Variants in PRKCB observed in about 807,000 individuals in gnomAD.
PRKCB encodes the protein protein kinase C beta.
Under a neutral mutation model 81.5 loss-of-function variants are expected in PRKCB, and 13 were observed. The ratio of observed to expected loss-of-function variants is 0.16; its 90% CI spans 0.10 to 0.25. The LOEUF is 0.25. Among genes scored for constraint, PRKCB ranks in the 10% least tolerant of loss-of-function variants. PRKCB has a pLI of 1.00. For synonymous variants in PRKCB, 335 were observed against 321.4 expected (o/e 1.04, Z -0.45); for missense variants, 509 against 875.7 (o/e 0.58, Z 5.29).
chr16:23,937,474 A>T (rs938641848), intron 2 of PRKCB, among the ~76,000 whole-genome samples: 2 of 152,204 alleles, frequency 1.3e-5, no homozygotes, highest in African/African-American at 4.8e-5. Flanking sequence ...TCAACCTCTG[A>T]TGCAGCATTT....
intron 7 of PRKCB, among the ~76,000 whole-genome samples, chr16:24,106,766 A>G (rs1966583817): frequency 1.3e-5 from 2 of 152,218 alleles, no homozygotes; most frequent in Admixed American, 6.5e-5. Context: ...CACATATTGT[A>G]TTAGAAATTA....
At chr16:24,075,952 GTTA>G (rs1323115266) in intron 5 of PRKCB, among the ~76,000 whole-genome samples, 1 of 151,872 alleles carries the variant, frequency 6.6e-6, no homozygotes, top group African/African-American at 2.4e-5. Flanking sequence ...TTTTTTGTTT[GTTA>G]TTATACTTTA....
chr16:24,080,548 A>T (rs2141892163), intron 5 of PRKCB, among the ~76,000 whole-genome samples: 1 of 152,236 alleles, frequency 6.6e-6, no homozygotes, highest in East Asian at 1.9e-4. Context: ...GCGTTGTTGG[A>T]CATGTTGAGT....
intron 3 of PRKCB, among the ~76,000 whole-genome samples, chr16:24,000,031 G>A (rs1053892476): frequency 2.6e-5 from 4 of 152,174 alleles, no homozygotes; most frequent in Admixed American, 1.3e-4. Flanking sequence ...GCTCCAAGAA[G>A]AGCAAGAGAG....
chr16:24,092,166 A>T (rs1966384173), intron 5 of PRKCB, among the ~76,000 whole-genome samples: 2 of 151,754 alleles, frequency 1.3e-5, no homozygotes, highest in Admixed American at 1.3e-4. Flanking sequence ...TTAAGCAGTC[A>T]CTCCCCATTT....
chr16:24,207,730 T>G (rs1373894112), intron 16 of PRKCB, among the ~76,000 whole-genome samples: 1 of 152,188 alleles, frequency 6.6e-6, no homozygotes, highest in Non-Finnish European at 1.5e-5. Flanking sequence ...ATGGGGTAAA[T>G]CCAGGAGTAT....
At chr16:24,165,911 C>G (rs921970597) in intron 10 of PRKCB, among the ~76,000 whole-genome samples, 8 of 111,720 alleles carry the variant, frequency 7.2e-5, no homozygotes, top group Non-Finnish European at 1.0e-4. Flanking sequence ...TTTTTTGACA[C>G]AGGGTCTCAC....
At chr16:23,849,415 A>T (rs1249155702) in intron 2 of PRKCB, among the ~76,000 whole-genome samples, 2 of 152,162 alleles carry the variant, frequency 1.3e-5, no homozygotes, top group Non-Finnish European at 2.9e-5. Context: ...TATATTGAAG[A>T]TCTTCTTTCC....
intron 10 of PRKCB, among the ~76,000 whole-genome samples, chr16:24,157,753 A>T (rs569080506): frequency 6.7e-6 from 1 of 150,352 alleles, no homozygotes; most frequent in African/African-American, 2.5e-5. Flanking sequence ...TGGTTTTATG[A>T]GGGACTTTTA....
At chr16:23,967,943 C>T (rs1330031300) in intron 2 of PRKCB, among the ~76,000 whole-genome samples, 1 of 152,244 alleles carries the variant, frequency 6.6e-6, no homozygotes, top group Non-Finnish European at 1.5e-5. Context: ...GCGTGAGCCA[C>T]TGCGCCGGGC....
chr16:24,045,623 C>T (rs1965754043), intron 5 of PRKCB, among the ~76,000 whole-genome samples: 1 of 151,466 alleles, frequency 6.6e-6, no homozygotes, highest in African/African-American at 2.4e-5. Context: ...ATTTTTTTTT[C>T]CAGAAATCAC....
intron 5 of PRKCB, among the ~76,000 whole-genome samples, chr16:24,089,587 A>G (rs1188900028): frequency 1.3e-5 from 2 of 152,166 alleles, no homozygotes; most frequent in Non-Finnish European, 2.9e-5. Context: ...TGGGCAACAT[A>G]GAGAGACCCC....
chr16:24,035,331 A>G, intron 4 of PRKCB, 88 bp from the exon 5 acceptor site: 1 of 1,503,734 alleles, frequency 6.7e-7, no homozygotes, highest in East Asian at 2.4e-5. Flanking sequence ...GGGAAACAGG[A>G]AGGGCTCAGC....
At chr16:24,150,744 A>G (rs1055967065) in intron 9 of PRKCB, among the ~76,000 whole-genome samples, 1 of 152,134 alleles carries the variant, frequency 6.6e-6, no homozygotes, top group African/African-American at 2.4e-5. Flanking sequence ...CTACGGCCAC[A>G]CTCATTCTCT....
intron 5 of PRKCB, among the ~76,000 whole-genome samples, chr16:24,071,479 G>C (rs1039995694): frequency 3.1e-4 from 46 of 149,596 alleles, no homozygotes; most frequent in Non-Finnish European, 5.9e-5. Context: ...CAGGACTGGG[G>C]AAAAGGAATA....
intron 2 of PRKCB, among the ~76,000 whole-genome samples, chr16:23,929,137 G>A (rs1055441693): frequency 6.6e-6 from 1 of 152,080 alleles, no homozygotes; most frequent in African/African-American, 2.4e-5. Flanking sequence ...GCTCAGAGGA[G>A]AGAAAGTGTA....
chr16:23,865,549 GTGTGTGTGTGTGTGTGTGTGTA>G (rs1244092859), intron 2 of PRKCB, among the ~76,000 whole-genome samples: 2,132 of 71,546 alleles, frequency 0.03, 213 homozygotes, highest in East Asian at 0.051. Flanking sequence ...GTGTGTGTGT[GTGTGTGTGTGTGTGTGTGTGTA>G]TATGTATATT....
At chr16:23,840,364 T>C (rs1962243660) in intron 2 of PRKCB, among the ~76,000 whole-genome samples, 1 of 152,164 alleles carries the variant, frequency 6.6e-6, no homozygotes, top group African/African-American at 2.4e-5. Context: ...AATTATCTCA[T>C]GGTCCAAAAA....
intron 2 of PRKCB, among the ~76,000 whole-genome samples, chr16:23,958,408 G>A (rs1330594216): frequency 2.0e-5 from 3 of 151,998 alleles, no homozygotes; most frequent in Admixed American, 6.6e-5. Flanking sequence ...GGGTTCAAGC[G>A]ATTCTTCTGC....
Sources: gnomAD v4.1 joint callset for allele counts (sites outside exome capture counted in the v4.1 genomes callset) on GRCh38, gnomAD v4.1.1 for gene constraint, MANE v1.5 for transcripts, NCBI Gene and HGNC (gene_info 2026-07-23, HGNC 2026-07-21) for gene names.